SPAG16: variants seen among roughly 807,000 people sequenced by gnomAD.
SPAG16 encodes the protein sperm-associated antigen 16 protein.
A neutral mutation model predicts 80.4 loss-of-function variants in SPAG16; 86 were observed. The observed-to-expected ratio is 1.07, with a 90% CI of 0.90 to 1.28. The LOEUF is 1.28. Ranked by LOEUF, SPAG16 falls within the 50% of genes most tolerant of loss-of-function variation. The pLI is 0.00. For missense variants in SPAG16, 870 were observed against 765.3 expected, an observed-to-expected ratio of 1.14 and a Z score of -1.61; for synonymous variants, 294 against 265.9, an observed-to-expected ratio of 1.11 and a Z score of -1.03.
At chr2:213,659,025 A>T (rs1574683273) in intron 10 of SPAG16, among the ~76,000 whole-genome samples, 1 of 151,844 alleles carries the variant, frequency 6.6e-6, no homozygotes, top group South Asian at 2.1e-4. Flanking sequence ...ACAGAGCGAG[A>T]CTCTGTCTCA....
chr2:213,719,056 G>C (rs912496378), intron 10 of SPAG16, among the ~76,000 whole-genome samples: 4 of 151,970 alleles, frequency 2.6e-5, no homozygotes, highest in East Asian at 1.9e-4. Context: ...TGCACCAGGC[G>C]ACACTCGGTA....
At chr2:213,982,899 A>T (rs1267479168) in intron 12 of SPAG16, among the ~76,000 whole-genome samples, 1 of 152,030 alleles carries the variant, frequency 6.6e-6, no homozygotes, top group Non-Finnish European at 1.5e-5. Flanking sequence ...GTTTAATAGC[A>T]TTGCAATTAT....
At chr2:214,208,151 A>G (rs557297662) in intron 15 of SPAG16, among the ~76,000 whole-genome samples, 2 of 152,222 alleles carry the variant, frequency 1.3e-5, no homozygotes, top group South Asian at 2.1e-4. Context: ...CCTTCTGGAG[A>G]ACCCTGAAAA....
chr2:213,687,333 T>C (rs2064730058), intron 10 of SPAG16, among the ~76,000 whole-genome samples: 1 of 152,200 alleles, frequency 6.6e-6, no homozygotes, highest in Non-Finnish European at 1.5e-5. Context: ...ATCTTATGTA[T>C]TTACCCAAAA....
At chr2:213,820,308 A>G (rs1233185769) in intron 10 of SPAG16, among the ~76,000 whole-genome samples, 2 of 152,134 alleles carry the variant, frequency 1.3e-5, no homozygotes, top group Non-Finnish European at 2.9e-5. Context: ...ATGCCTGTAA[A>G]TAGATGTAAA....
At chr2:214,024,436 TTAA>T (rs1284453757) in intron 13 of SPAG16, among the ~76,000 whole-genome samples, 2 of 151,670 alleles carry the variant, frequency 1.3e-5, no homozygotes, top group Non-Finnish European at 3.0e-5. Flanking sequence ...TTTGTATTCC[TTAA>T]TAATATCTGT....
At chr2:213,768,779 C>G (rs1439423106) in intron 10 of SPAG16, among the ~76,000 whole-genome samples, 16 of 152,062 alleles carry the variant, frequency 1.1e-4, no homozygotes, top group Admixed American at 7.9e-4. Context: ...AAATCATCAG[C>G]CTATAAGGCA....
At chr2:214,294,852 T>G (rs1694026787) in intron 15 of SPAG16, among the ~76,000 whole-genome samples, 1 of 152,216 alleles carries the variant, frequency 6.6e-6, no homozygotes, top group Non-Finnish European at 1.5e-5. Context: ...GTTTTTCTGA[T>G]GCCACTACAC....
chr2:214,280,281 A>G (rs1457693358), intron 15 of SPAG16, among the ~76,000 whole-genome samples: 1 of 152,248 alleles, frequency 6.6e-6, no homozygotes, highest in African/African-American at 2.4e-5. Context: ...AAAATGATTA[A>G]GATGTCAATT....
intron 10 of SPAG16, among the ~76,000 whole-genome samples, chr2:213,843,783 G>A (rs1439930045): frequency 1.3e-5 from 2 of 152,006 alleles, no homozygotes; most frequent in Admixed American, 6.6e-5. Flanking sequence ...CCCAGGAGGC[G>A]GAGGTTGCAG....
At chr2:213,922,139 CT>C (rs2078253761) in intron 11 of SPAG16, among the ~76,000 whole-genome samples, 2 of 152,210 alleles carry the variant, frequency 1.3e-5, no homozygotes, top group Admixed American at 6.5e-5. Context: ...TACTTTCCCC[CT>C]GTCTCTTTCA....
intron 10 of SPAG16, among the ~76,000 whole-genome samples, chr2:213,654,089 T>C (rs1446119131): frequency 6.6e-6 from 1 of 152,170 alleles, no homozygotes; most frequent in Non-Finnish European, 1.5e-5. Flanking sequence ...ATTGGAAAGA[T>C]TTTGTACAAA....
rs557802388 is a variant in SPAG16 at position 214,159,347 on chromosome 2, T to C, written c.1720+10081T>C. ...TAGATTGAAAATCAAGAGTTAAAATTTGCAGTGCACACATACTGCATGACC... is the reference window on the plus strand; with the variant it reads ...TAGATTGAAAATCAAGAGTTAAAATCTGCAGTGCACACATACTGCATGACC... On this transcript the variant is annotated intron_variant, in intron 15 of 15. Transcript: ENST00000331683. 2.0e-5 allele frequency among the ~76,000 whole-genome samples: 3 copies of C among 152,098 alleles called. No individual in the cohort carries two copies. The South Asian group carries it at 6.2e-4, about 32-fold the overall frequency.
chr2:213,591,813 C>T (rs544086516), intron 10 of SPAG16, among the ~76,000 whole-genome samples: 3 of 152,168 alleles, frequency 2.0e-5, no homozygotes, highest in Admixed American at 6.5e-5. Flanking sequence ...TTGCTGAAGA[C>T]AGGCCAGGAG....
At chr2:213,932,583 A>T (rs1218659861) in intron 12 of SPAG16, among the ~76,000 whole-genome samples, 2 of 152,084 alleles carry the variant, frequency 1.3e-5, no homozygotes, top group African/African-American at 4.8e-5. Context: ...TTTAGAATAC[A>T]TTCTTCTCTT....
At chr2:213,462,251 A>G (rs2072414789) in intron 9 of SPAG16, among the ~76,000 whole-genome samples, 1 of 152,216 alleles carries the variant, frequency 6.6e-6, no homozygotes. Flanking sequence ...ATTTTACATT[A>G]AACAGAGCCC....
At chr2:214,123,786 T>C (rs933887408) in intron 14 of SPAG16, among the ~76,000 whole-genome samples, 4 of 151,906 alleles carry the variant, frequency 2.6e-5, no homozygotes, top group Non-Finnish European at 5.9e-5. Context: ...AACTCAAGCA[T>C]AGGCAATAAG....
intron 9 of SPAG16, among the ~76,000 whole-genome samples, chr2:213,456,950 T>G (rs1385188448): frequency 6.6e-6 from 1 of 152,136 alleles, no homozygotes; most frequent in Non-Finnish European, 1.5e-5. Context: ...ACAAAGCTGG[T>G]TTTTTTAGTG....
intron 13 of SPAG16, among the ~76,000 whole-genome samples, chr2:214,082,307 C>T (rs919639054): frequency 1.3e-5 from 2 of 152,096 alleles, no homozygotes; most frequent in Non-Finnish European, 2.9e-5. Context: ...ATAAATTTCT[C>T]CTCATCAATC....
Sources: gnomAD v4.1 joint callset for allele counts (sites outside exome capture counted in the v4.1 genomes callset) on GRCh38, gnomAD v4.1.1 for gene constraint, MANE v1.5 for transcripts, NCBI Gene and HGNC (gene_info 2026-07-23, HGNC 2026-07-21) for gene names.